Variants in ZNF44 observed in about 807,000 individuals in gnomAD.
The protein encoded by ZNF44 is gonadotropin inducible transcription repressor-2.
A neutral mutation model predicts 11.7 loss-of-function variants in ZNF44; 9 were observed. That is an observed-to-expected ratio of 0.77 (90% CI 0.46 to 1.35). The LOEUF is 1.35. ZNF44 is among the 40% of genes most tolerant of loss of function. ZNF44 has a pLI of 0.00. For missense variants in ZNF44, 696 were observed against 743.1 expected (o/e 0.94, Z 0.74); for synonymous variants, 224 against 242.7 (o/e 0.92, Z 0.72).
downstream of ZNF44, chr19:12,226,034 T>TGTGTGCTATCGTTTTTGAAA (rs1340379580): frequency 1.4e-4 from 21 of 152,226 alleles, no homozygotes; most frequent in African/African-American, 5.1e-4. Context: ...TTTAACAACA[T>TGTGTGCTATCGTTTTTGAAA]GTGTGCTATC....
upstream of ZNF44, among the ~76,000 whole-genome samples, chr19:12,242,509 CAA>C (rs779926213): frequency 4.9e-5 from 5 of 101,260 alleles, no homozygotes; most frequent in Admixed American, 1.1e-4. Flanking sequence ...GACTCCGGCT[CAA>C]AAAAAAAAAA....
chr19:12,264,907 AG>A (rs1917665367), intron 5 of ZNF44, among the ~76,000 whole-genome samples: 1 of 151,982 alleles, frequency 6.6e-6, no homozygotes, highest in Non-Finnish European at 1.5e-5. Flanking sequence ...CATGTTGCCC[AG>A]GCTGGTCTGG....
downstream of ZNF44, chr19:12,244,469 A>G (rs532664936): frequency 1.4e-4 from 22 of 152,568 alleles, no homozygotes; most frequent in African/African-American, 5.0e-4. Flanking sequence ...TACTTTATAG[A>G]TAACAGTGTC....
exon 8 of ZNF44, chr19:12,248,333 A>G: frequency 7.7e-7 from 1 of 1,293,570 alleles, no homozygotes. Flanking sequence ...AACGTTGACA[A>G]CTGAAGGCTT....
chr19:12,249,164 G>C (rs937570617), intron 7 of ZNF44, among the ~76,000 whole-genome samples: 1 of 151,708 alleles, frequency 6.6e-6, no homozygotes, highest in Non-Finnish European at 1.5e-5. Flanking sequence ...TGGGATTATA[G>C]GCGGGAGCCA....
At chr19:12,264,001 G>A (rs950285316) in intron 5 of ZNF44, among the ~76,000 whole-genome samples, 14 of 152,152 alleles carry the variant, frequency 9.2e-5, no homozygotes, top group Middle Eastern at 3.2e-3. Context: ...GCTGAGGTGG[G>A]AGGATCACTT....
downstream of ZNF44, among the ~76,000 whole-genome samples, chr19:12,246,853 C>T (rs1599494909): frequency 6.7e-6 from 1 of 149,088 alleles, no homozygotes; most frequent in East Asian, 2.0e-4. Flanking sequence ...TGGCAAGACC[C>T]ATCTCAAAAA....
intron 5 of ZNF44, among the ~76,000 whole-genome samples, chr19:12,257,682 T>A (rs899020526): frequency 1.3e-5 from 2 of 149,050 alleles, no homozygotes; most frequent in African/African-American, 5.0e-5. Flanking sequence ...GTGCCTGTAA[T>A]CCCAGCTACC....
chr19:12,239,417 T>TC (rs1233707151), upstream of ZNF44, among the ~76,000 whole-genome samples: 1 of 144,908 alleles, frequency 6.9e-6, no homozygotes, highest in Non-Finnish European at 1.5e-5. Flanking sequence ...CCTGGCCTTT[T>TC]TTTTTTTTTT....
At chr19:12,259,643 C>A (rs572473795) in intron 5 of ZNF44, among the ~76,000 whole-genome samples, 32 of 152,150 alleles carry the variant, frequency 2.1e-4, no homozygotes, top group South Asian at 6.2e-4. Context: ...TTTTTCCCCA[C>A]CAGAGAGCCT....
chr19:12,279,813 A>G (rs527379430), intron 1 of ZNF44, among the ~76,000 whole-genome samples: 54 of 148,858 alleles, frequency 3.6e-4, no homozygotes, highest in East Asian at 7.8e-4. Context: ...CAACCAGTGG[A>G]AAAAAAAAAC....
At chr19:12,246,076 C>A (rs17001892), downstream of ZNF44, among the ~76,000 whole-genome samples, 2 of 152,190 alleles carry the variant, frequency 1.3e-5, no homozygotes, top group African/African-American at 2.4e-5. Context: ...TCTGTCTCCA[C>A]GCAGATGGGT....
intron 5 of ZNF44, among the ~76,000 whole-genome samples, chr19:12,251,540 G>T (rs1209449488): frequency 1.3e-5 from 2 of 152,030 alleles, no homozygotes. Flanking sequence ...CCATTTCATG[G>T]AGCTATTAAG....
chr19:12,247,125 C>T (rs1326192756), downstream of ZNF44, among the ~76,000 whole-genome samples: 1 of 151,948 alleles, frequency 6.6e-6, no homozygotes, highest in Non-Finnish European at 1.5e-5. Flanking sequence ...TTTTTCATGG[C>T]ATGAATTTTC....
intron 2 of ZNF44, among the ~76,000 whole-genome samples, chr19:12,233,348 A>T (rs1445721443): frequency 6.6e-6 from 1 of 152,170 alleles, no homozygotes; most frequent in Non-Finnish European, 1.5e-5. Context: ...ATTGTTTCTA[A>T]AATAAACCTG....
downstream of ZNF44, among the ~76,000 whole-genome samples, chr19:12,268,264 G>A (rs2458997): frequency 0.21 from 31,134 of 151,682 alleles, 4,132 homozygotes; most frequent in African/African-American, 0.38. Context: ...TCATTTTAGT[G>A]TTAATTTTCA....
At chr19:12,280,082 G>C (rs1967406109) in intron 1 of ZNF44, among the ~76,000 whole-genome samples, 1 of 152,048 alleles carries the variant, frequency 6.6e-6, no homozygotes. Context: ...AGCTGGGCGT[G>C]GTGGTGCACA....
intron 1 of ZNF44, among the ~76,000 whole-genome samples, chr19:12,294,325 C>T (rs1418227842): frequency 6.6e-6 from 1 of 152,226 alleles, no homozygotes; most frequent in East Asian, 1.9e-4. Flanking sequence ...AGGGTGTCCT[C>T]TCCTATTAAA....
chr19:12,277,139 G>A (rs993457999), intron 1 of ZNF44, among the ~76,000 whole-genome samples: 1 of 152,190 alleles, frequency 6.6e-6, no homozygotes, highest in Admixed American at 6.5e-5. Flanking sequence ...TGCAACTCTG[G>A]TAGATGATAT....
Sources: allele counts gnomAD v4.1 joint callset (sites outside exome capture counted in the v4.1 genomes callset), GRCh38; gene constraint gnomAD v4.1.1; transcripts MANE v1.5; gene names NCBI Gene and HGNC (gene_info 2026-07-23, HGNC 2026-07-21).